SLC38A4: variants seen among roughly 807,000 people sequenced by gnomAD.
SLC38A4 encodes the protein sodium-coupled neutral amino acid transporter 4.
In SLC38A4, 20 loss-of-function variants were observed where a neutral mutation model predicts 63.1. The ratio of observed to expected loss-of-function variants is 0.32; its 90% CI spans 0.22 to 0.46. The LOEUF is 0.46. Among genes scored for constraint, SLC38A4 ranks in the 20% least tolerant of loss-of-function variants. The pLI is 1.00. For missense variants in SLC38A4, 526 were observed against 663.6 expected (o/e 0.79, Z 2.28); for synonymous variants, 230 against 225.5 (o/e 1.02, Z -0.18).
chr12:46,824,959 A>G (rs1021160573), intron 1 of SLC38A4, among the ~76,000 whole-genome samples: 1 of 151,774 alleles, frequency 6.6e-6, no homozygotes, highest in African/African-American at 2.4e-5. Context: ...AGATGTAACC[A>G]CTGGAGGAAA....
chr12:46,813,374 G>A (rs1156777297), intron 1 of SLC38A4, among the ~76,000 whole-genome samples: 1 of 151,874 alleles, frequency 6.6e-6, no homozygotes, highest in Non-Finnish European at 1.5e-5. Context: ...GTTCGTTATT[G>A]TTTTCTCGCT....
chr12:46,779,987 T>C lies in SLC38A4; in HGVS notation c.537A>G (p.Glu179=). Residue 179 remains glutamate (E), a synonymous_variant, in exon 8 of 17, where the codon GAA becomes GAG. Transcript: ENST00000266579. ...YLFIIKYELP[E]VIRAFMGLEE... is the part of the protein sequence containing the mutation. ...CAAGTCCCATGAATGCTCTGATTAC[T>C]TCAGGTAGTTCATATTTAATGATAA... The C allele has an allele frequency of 6.2e-7, 1 of 1,612,500 alleles. No individual in the cohort carries two copies. The highest frequency in any genetic ancestry group is 8.5e-7 in the Non-Finnish European group (1 of 1,178,990).
intron 2 of SLC38A4, among the ~76,000 whole-genome samples, chr12:46,794,187 T>C (rs1034645665): frequency 2.6e-5 from 4 of 152,094 alleles, no homozygotes; most frequent in African/African-American, 9.7e-5. Flanking sequence ...GCTATTCCTC[T>C]GACAAACAGA....
chr12:46,766,831 CA>C, intron 16 of SLC38A4, 29 bp from the exon 17 acceptor site: 1 of 1,467,352 alleles, frequency 6.8e-7, no homozygotes, highest in Non-Finnish European at 9.5e-7. Context: ...CTGTTAGGAG[CA>C]CAGAAACCAT....
chr12:46,820,363 C>T (rs747906887), intron 1 of SLC38A4, among the ~76,000 whole-genome samples: 2 of 151,992 alleles, frequency 1.3e-5, no homozygotes, highest in Non-Finnish European at 2.9e-5. Context: ...TGGTAACCAC[C>T]ATTCTATTCT....
At chr12:46,770,641 C>A (rs1938399705) in intron 14 of SLC38A4, among the ~76,000 whole-genome samples, 2 of 152,070 alleles carry the variant, frequency 1.3e-5, no homozygotes, top group Admixed American at 1.3e-4. Flanking sequence ...GGATAAAGAT[C>A]CCTGTGGGCA....
intron 3 of SLC38A4, among the ~76,000 whole-genome samples, chr12:46,789,669 G>A (rs1019482379): frequency 1.3e-5 from 2 of 152,116 alleles, no homozygotes; most frequent in Non-Finnish European, 2.9e-5. Flanking sequence ...TAAAATGCTC[G>A]ACTATGTATA....
Position 46,793,186 on chromosome 12 carries a change from G to T in SLC38A4, c.-112-3C>A. 1 of 701,742 alleles carries T rather than the reference G, an allele frequency of 1.4e-6. No individual in the cohort carries two copies. Among genetic ancestry groups the T allele is most frequent in the African/African-American group, 1.8e-5 (1 of 56,600 alleles). The allele number at this position is 701,742 out of a possible 1,614,324, so 43.5% of individuals were successfully genotyped here. On this transcript the variant is annotated splice_region_variant and splice_polypyrimidine_tract_variant and intron_variant, in intron 2 of 16. Coordinates refer to ENST00000266579, the MANE Select transcript of SLC38A4 (RefSeq NM_018018.5). The stretch of plus-strand genomic sequence containing the variant: ...GTTGATGTTCAGAACACTCTGTTCT[G>T]CAAACAGAACACAACATACATCATT...
At chr12:46,830,899 A>G (rs1240463563), upstream of SLC38A4, among the ~76,000 whole-genome samples, 1 of 152,210 alleles carries the variant, frequency 6.6e-6, no homozygotes, top group Admixed American at 6.5e-5. Context: ...CGGGAGATTC[A>G]CAAGTGCTCA....
intron 5 of SLC38A4, 114 bp from the exon 6 acceptor site, chr12:46,785,291 A>C: frequency 1.2e-6 from 1 of 829,886 alleles, no homozygotes; most frequent in Non-Finnish European, 1.9e-6. Context: ...GCTTTCCAAA[A>C]GTATGTGGAT....
At chr12:46,777,032 G>GT in intron 12 of SLC38A4, 28 bp from the exon 13 acceptor site, 2 of 1,555,910 alleles carry the variant, frequency 1.3e-6, no homozygotes, top group Non-Finnish European at 1.8e-6. Flanking sequence ...ACCAAGCTTT[G>GT]TTTTTTAAAC....
At chr12:46,806,059 G>A (rs1289436019) in intron 1 of SLC38A4, among the ~76,000 whole-genome samples, 1 of 151,682 alleles carries the variant, frequency 6.6e-6, no homozygotes, top group Non-Finnish European at 1.5e-5. Context: ...CACAGACCTT[G>A]AGCCGGCTAT....
chr12:46,821,384 A>G (rs1057003350), intron 1 of SLC38A4, among the ~76,000 whole-genome samples: 9 of 152,082 alleles, frequency 5.9e-5, no homozygotes, highest in African/African-American at 2.2e-4. Flanking sequence ...ATGTGGATAT[A>G]CAGTTTTCCC....
intron 1 of SLC38A4, among the ~76,000 whole-genome samples, chr12:46,810,843 T>C (rs992398672): frequency 6.6e-6 from 1 of 152,070 alleles, no homozygotes; most frequent in Non-Finnish European, 1.5e-5. Flanking sequence ...GCTAAATCTC[T>C]AGTTTGGGGT....
chr12:46,778,199 G>T, intron 12 of SLC38A4, 90 bp downstream of exon 12: 1 of 1,240,954 alleles, frequency 8.1e-7, no homozygotes. Context: ...TGAAGAGGAA[G>T]CTATAAACTG....
At chr12:46,826,082 C>G (rs1939647294), upstream of SLC38A4, 1 of 152,232 alleles carries the variant, frequency 6.6e-6, no homozygotes. Context: ...ACCAACATTG[C>G]AGACAGAACA....
intron 13 of SLC38A4, among the ~76,000 whole-genome samples, chr12:46,776,173 C>A (rs1283223454): frequency 6.6e-6 from 1 of 151,956 alleles, no homozygotes; most frequent in African/African-American, 2.4e-5. Context: ...TATATTGATA[C>A]ACTGATTCAT....
chr12:46,778,869 G>C, intron 10 of SLC38A4, 93 bp from the exon 11 acceptor site: 1 of 1,145,192 alleles, frequency 8.7e-7, no homozygotes, highest in Non-Finnish European at 1.2e-6. Flanking sequence ...AGGGTGGGGG[G>C]TGAGGGAACT....
intron 1 of SLC38A4, among the ~76,000 whole-genome samples, chr12:46,819,147 A>G (rs960939727): frequency 6.6e-6 from 1 of 151,886 alleles, no homozygotes; most frequent in Non-Finnish European, 1.5e-5. Context: ...ATTCTGTAAG[A>G]CAACTAGATT....
Sources: allele counts gnomAD v4.1 joint callset (sites outside exome capture counted in the v4.1 genomes callset), GRCh38; gene constraint gnomAD v4.1.1; transcripts MANE v1.5; gene names NCBI Gene and HGNC (gene_info 2026-07-23, HGNC 2026-07-21).